Variants in LINS1 observed in about 807,000 individuals in gnomAD.
LINS1 encodes lines homolog 1.
LINS1 carries 27 observed loss-of-function variants against 41.6 expected under a neutral mutation model. The ratio of observed to expected loss-of-function variants is 0.65; its 90% CI spans 0.48 to 0.89. The LOEUF is 0.89. LINS1 is among the 40% of genes least tolerant of loss of function. The probability of loss-of-function intolerance (pLI) is 0.00; values close to 1 mark genes in which losing one functional copy is unlikely to be tolerated. For synonymous variants in LINS1, 336 were observed against 312.9 expected, an observed-to-expected ratio of 1.07 and a Z score of -0.78; for missense variants, 955 against 884.1, an observed-to-expected ratio of 1.08 and a Z score of -1.02.
Position 100,580,668 on chromosome 15 carries a change from G to T in LINS1, c.175C>A (p.His59Asn). 6.2e-7 allele frequency: 1 copy of T among 1,613,920 alleles called. No homozygotes were observed. The highest frequency in any genetic ancestry group is 8.5e-7 in the Non-Finnish European group (1 of 1,179,928). Residue 59 changes from histidine (H) to asparagine (N), a missense_variant, in exon 2 of 7, where the codon CAT (histidine) becomes AAT (asparagine). His to Asn is a moderately conservative substitution (Grantham distance 68, BLOSUM62 1). Transcript: ENST00000314742. Reference protein sequence around the residue: ...WANTCGIQGRHQPISVGVAPI... With the variant: ...WANTCGIQGRNQPISVGVAPI... ...GCCACACCAACAGAGATGGGCTGAT[G>T]CCTGCCCTGGATACCACAGGTGTTT...
Position 100,574,066 on chromosome 15 carries a change from A to C in LINS1, c.807T>G (p.His269Gln). The C allele has an allele frequency of 1.2e-6, 2 of 1,614,204 alleles. No individual in the cohort carries two copies. Among genetic ancestry groups the C allele is most frequent in the Non-Finnish European group, 1.7e-6 (2 of 1,179,998 alleles). Residue 269 changes from histidine to glutamine, a missense_variant, in exon 5 of 7, where the codon CAT becomes CAG. Coordinates refer to ENST00000314742, the MANE Select transcript of LINS1 (RefSeq NM_001040616.3). ...LIASRIHLKL[H>Q]FTCQRILFLK... Reference sequence around the variant, plus strand: ...AAAATAAAATCCTCTGGCAAGTGAAATGTAACTTCAGGTGGATTCTGGAGG... The same window carrying C: ...AAAATAAAATCCTCTGGCAAGTGAACTGTAACTTCAGGTGGATTCTGGAGG...
chr15:100,588,347 C>T (rs1379205614), intron 1 of LINS1, among the ~76,000 whole-genome samples: 1 of 152,032 alleles, frequency 6.6e-6, no homozygotes, highest in Non-Finnish European at 1.5e-5. Context: ...GGGAATGAAT[C>T]CTTTATCTTC....
Position 100,575,138 on chromosome 15 carries a change from A to G in LINS1, c.490-10T>C. 1 of 1,607,328 alleles carries G rather than the reference A, an allele frequency of 6.2e-7. No individual in the cohort carries two copies. On this transcript the variant is annotated splice_polypyrimidine_tract_variant and intron_variant, in intron 3 of 6. Coordinates refer to ENST00000314742, the MANE Select transcript of LINS1 (RefSeq NM_001040616.3). ...AATTACTTAAGGTTATCTACAAGTG[A>G]GAAAATAAAGCAAGCAGTTAAAATA...
Position 100,568,262 on chromosome 15 carries a change from A to C in LINS1, c.*976T>G, listed in dbSNP as rs989911039. 1 of 152,236 alleles carries C rather than the reference A, an allele frequency of 6.6e-6. No homozygotes were observed. Among genetic ancestry groups the C allele is most frequent in the South Asian group, 2.1e-4 (1 of 4,838 alleles). The allele number at this position is 152,236 out of a possible 1,614,324, so 9.4% of individuals were successfully genotyped here. On this transcript the variant is annotated 3_prime_UTR_variant, in exon 7 of 7. Transcript: ENST00000314742. ...ATATCGCTTTCTGTGTAAATACCCC[A>C]GAAGGAAATAGTAACTGTATTTGGT...
Position 100,574,122 on chromosome 15 carries a change from ACAT to A in LINS1, c.748_750del (p.Met250del). 1 of 1,614,092 alleles carries A rather than the reference ACAT, an allele frequency of 6.2e-7. No individual in the cohort carries two copies. On this transcript the variant is annotated inframe_deletion, in exon 5 of 7. Transcript: ENST00000314742. ...AGAAGCTCAAGCAAATCCAGGAAAC[ACAT>A]CAGGATGTTTACTATTTTAGAAGTA... is the stretch of plus-strand genomic sequence containing the variant.
At position 100,587,379 on chromosome 15, in the gene LINS1, G is replaced by T. The variant is rs560322387; in HGVS notation, c.-103-6434C>A. Among the ~76,000 whole-genome samples, 15 of 152,074 alleles carry T rather than the reference G, an allele frequency of 9.9e-5. No homozygotes were observed. In the East Asian group the frequency reaches 2.7e-3, roughly 27 times the overall value. ...TTGCACAGGATGTATAATGATATTG[G>T]TGAACTTAAGGAAACTGAATTGTGT... On this transcript the variant is annotated intron_variant, in intron 1 of 6. Coordinates refer to ENST00000314742, the MANE Select transcript of LINS1 (RefSeq NM_001040616.3).
intron 3 of LINS1, among the ~76,000 whole-genome samples, chr15:100,579,084 T>A (rs2038369872): frequency 6.6e-6 from 1 of 151,808 alleles, no homozygotes; most frequent in East Asian, 1.9e-4. Flanking sequence ...AAATGACGAG[T>A]TAATGGGTGC....
Position 100,569,624 on chromosome 15 carries a change from C to T in LINS1, c.1888G>A (p.Asp630Asn), listed in dbSNP as rs61999316. 75 of 1,613,122 alleles carry T rather than the reference C, an allele frequency of 4.6e-5. No homozygotes were observed. In the African/African-American group the frequency reaches 9.2e-4, roughly 20 times the overall value. ...TCCACGTCAGAATCGTCAGAGCTGT[C>T]GTAATCTACCAGACTTTGAGAGGCC... ...PRASQSLVDY[D>N]SSDDSDVEST... The change falls in exon 7 of 7, where the codon GAC (aspartate) becomes AAC (asparagine). Residue 630 changes from aspartate to asparagine, a missense_variant. Asp to Asn is a conservative substitution (Grantham distance 23, BLOSUM62 1). Coordinates refer to ENST00000314742, the MANE Select transcript of LINS1 (RefSeq NM_001040616.3).
intron 3 of LINS1, among the ~76,000 whole-genome samples, chr15:100,579,899 G>A (rs1178452371): frequency 2.0e-5 from 3 of 152,136 alleles, no homozygotes; most frequent in Admixed American, 2.0e-4. Flanking sequence ...TTAAGAATCT[G>A]ATTATGATTG....
intron 6 of LINS1, 69 bp downstream of exon 6, chr15:100,571,825 C>G: frequency 6.4e-7 from 1 of 1,564,032 alleles, no homozygotes; most frequent in Non-Finnish European, 8.8e-7. Flanking sequence ...ACGCCCAGCA[C>G]ATTCTCAGAA....
At chr15:100,599,000 C>G (rs2039360917) in intron 1 of LINS1, among the ~76,000 whole-genome samples, 1 of 152,232 alleles carries the variant, frequency 6.6e-6, no homozygotes, top group Non-Finnish European at 1.5e-5. Context: ...GAGCCTTGGA[C>G]TCCCTAGAGA....
chr15:100,569,531 G>GA lies in LINS1; in HGVS notation c.1980dup (p.Gln661SerfsTer10). 6.2e-7 allele frequency: 1 copy of GA among 1,614,176 alleles called. No homozygotes were observed. On this transcript the variant is annotated frameshift_variant, in exon 7 of 7. Transcript: ENST00000314742. LOFTEE classifies it low-confidence loss of function (END_TRUNC). ...TCCCTGCTTGTCCCAGCTGCATCCT[G>GA]AATCTCCTTAGTTGCTTGCTGGTGT...
chr15:100,587,243 C>T (rs1288995972), intron 1 of LINS1, among the ~76,000 whole-genome samples: 2 of 149,110 alleles, frequency 1.3e-5, no homozygotes, highest in East Asian at 3.9e-4. Flanking sequence ...AGTGTGGAGC[C>T]AAATTTCACA....
At chr15:100,588,893 G>C (rs529912780) in intron 1 of LINS1, among the ~76,000 whole-genome samples, 1 of 152,306 alleles carries the variant, frequency 6.6e-6, no homozygotes, top group South Asian at 2.1e-4. Context: ...AAGAAATGTT[G>C]TACAATTTAA....
chr15:100,579,505 T>A (rs529509896), intron 3 of LINS1, among the ~76,000 whole-genome samples: 1 of 151,744 alleles, frequency 6.6e-6, no homozygotes, highest in South Asian at 2.1e-4. Flanking sequence ...AAGATGAAAA[T>A]GTTAGCAGTG....
At chr15:100,573,464 G>T in intron 5 of LINS1, 187 bp downstream of exon 5, 1 of 875,686 alleles carries the variant, frequency 1.1e-6, no homozygotes, top group Non-Finnish European at 1.6e-6. Context: ...GGCACAAAAA[G>T]CTGACATGTT....
chr15:100,577,882 C>T (rs1219655204), intron 3 of LINS1, among the ~76,000 whole-genome samples: 2 of 152,134 alleles, frequency 1.3e-5, no homozygotes, highest in African/African-American at 2.4e-5. Context: ...CATCTACAAC[C>T]ATCTGATCTT....
intron 1 of LINS1, among the ~76,000 whole-genome samples, chr15:100,594,659 C>T (rs1239818190): frequency 6.6e-6 from 1 of 152,088 alleles, no homozygotes; most frequent in Non-Finnish European, 1.5e-5. Context: ...ATTGTAAATG[C>T]TATGTAAATA....
chr15:100,578,990 A>ACAGGAACC (rs2038361362), intron 3 of LINS1, among the ~76,000 whole-genome samples: 1 of 152,012 alleles, frequency 6.6e-6, no homozygotes, highest in Admixed American at 6.6e-5. Flanking sequence ...ACACTTGAAC[A>ACAGGAACC]CAGGAAGGGG....
Sources: allele counts gnomAD v4.1 joint callset (sites outside exome capture counted in the v4.1 genomes callset), GRCh38; gene constraint gnomAD v4.1.1; transcripts MANE v1.5; gene names NCBI Gene and HGNC (gene_info 2026-07-23, HGNC 2026-07-21).